The following KCNH5 variants were observed in gnomAD, a reference collection of about 807,000 sequenced individuals.
KCNH5 encodes the protein voltage-gated delayed rectifier potassium channel KCNH5.
A neutral mutation model predicts 96.1 loss-of-function variants in KCNH5; 46 were observed. The ratio of observed to expected loss-of-function variants is 0.48; its 90% CI spans 0.38 to 0.61. KCNH5 has a LOEUF of 0.61. Among genes scored for constraint, KCNH5 ranks in the 20% least tolerant of loss-of-function variants. KCNH5 has a pLI of 0.00. For synonymous variants in KCNH5, 439 were observed against 449.8 expected (o/e 0.98, Z 0.30); for missense variants, 907 against 1,225.8 (o/e 0.74, Z 3.88).
intron 10 of KCNH5, among the ~76,000 whole-genome samples, chr14:62,768,983 C>T (rs1427773292): frequency 6.6e-6 from 1 of 152,204 alleles, no homozygotes; most frequent in Admixed American, 6.5e-5. Flanking sequence ...GCTTAAAAGA[C>T]TCCATAATTA....
At chr14:62,894,034 A>G (rs1888762549) in intron 7 of KCNH5, among the ~76,000 whole-genome samples, 1 of 152,218 alleles carries the variant, frequency 6.6e-6, no homozygotes, top group African/African-American at 2.4e-5. Context: ...GAAGACTCAG[A>G]TGATTTTTTG....
chr14:62,919,776 T>C (rs1889345816), intron 7 of KCNH5, among the ~76,000 whole-genome samples: 1 of 152,174 alleles, frequency 6.6e-6, no homozygotes. Flanking sequence ...TTATCATGTG[T>C]CACCTAAGGA....
intron 10 of KCNH5, among the ~76,000 whole-genome samples, chr14:62,738,784 A>T (rs1341335540): frequency 6.6e-6 from 1 of 152,152 alleles, no homozygotes; most frequent in Non-Finnish European, 1.5e-5. Flanking sequence ...TGTTTATAGC[A>T]GTTCGCAATC....
chr14:62,739,269 T>C (rs894728066), intron 10 of KCNH5, among the ~76,000 whole-genome samples: 2 of 152,110 alleles, frequency 1.3e-5, no homozygotes, highest in Non-Finnish European at 2.9e-5. Context: ...TCACACACTT[T>C]TTTGGAATCT....
chr14:62,736,857 G>A (rs918764098), intron 10 of KCNH5, among the ~76,000 whole-genome samples: 28 of 152,232 alleles, frequency 1.8e-4, no homozygotes, highest in Admixed American at 1.6e-3. Flanking sequence ...CGCTTACAGT[G>A]AATTCCAAGA....
At chr14:62,785,035 CTAATTG>C (rs1285266094) in intron 9 of KCNH5, among the ~76,000 whole-genome samples, 1 of 152,086 alleles carries the variant, frequency 6.6e-6, no homozygotes, top group Non-Finnish European at 1.5e-5. Context: ...ATAAGCAATA[CTAATTG>C]TTTCATTATA....
chr14:62,831,709 ATTAT>A (rs1199989162), intron 8 of KCNH5, among the ~76,000 whole-genome samples: 2 of 151,934 alleles, frequency 1.3e-5, no homozygotes, highest in African/African-American at 2.4e-5. Flanking sequence ...ATGAACATAA[ATTAT>A]TTATTTATTT....
rs556727188 is a variant in KCNH5, at chr14:62,840,167, C to T, written c.1569+9486G>A. 9.9e-5 allele frequency among the ~76,000 whole-genome samples: 15 copies of T among 152,220 alleles called. No individual in the cohort carries two copies. The East Asian group carries it at 1.5e-3, about 16-fold the overall frequency. On this transcript the variant is annotated intron_variant, in intron 8 of 10. Coordinates refer to ENST00000322893, the MANE Select transcript of KCNH5 (RefSeq NM_139318.5). ...ATATGAATGCAAATTTTAAAAATGG[C>T]TATGTCCATATTTTTAAATTCTCCC...
Position 62,740,442 on chromosome 14 carries a change from G to T in KCNH5, c.2020-31987C>A, listed in dbSNP as rs190552300. Among the ~76,000 whole-genome samples the T allele has an allele frequency of 8.5e-5, 13 of 152,120 alleles. No individual in the cohort carries two copies. In the East Asian group the frequency reaches 2.3e-3, roughly 27 times the overall value. On this transcript the variant is annotated intron_variant, in intron 10 of 10. Transcript: ENST00000322893. ...ATTTAGCCACTATTGCCCTCCTCCT[G>T]CTGTCCAGCCCCTGCCCCATTTTGC...
chr14:62,718,761 T>C (rs4902179), intron 10 of KCNH5, among the ~76,000 whole-genome samples: 138,149 of 152,280 alleles, frequency 0.91, 63,838 homozygotes, highest in East Asian at 1. Context: ...TACATGAATG[T>C]TCACAGCAGC....
At chr14:62,786,674 C>T (rs1027969685) in intron 9 of KCNH5, among the ~76,000 whole-genome samples, 8 of 152,164 alleles carry the variant, frequency 5.3e-5, no homozygotes, top group East Asian at 3.9e-4. Context: ...AACTCAGTGT[C>T]GAACAAGTCT....
intron 8 of KCNH5, among the ~76,000 whole-genome samples, chr14:62,814,807 A>G (rs904009663): frequency 6.7e-6 from 1 of 148,604 alleles, no homozygotes; most frequent in Non-Finnish European, 1.5e-5. Context: ...AAAAAAAAAA[A>G]AAAAGAATGA....
At chr14:62,733,417 G>C (rs575988139) in intron 10 of KCNH5, among the ~76,000 whole-genome samples, 2 of 152,084 alleles carry the variant, frequency 1.3e-5, no homozygotes, top group South Asian at 4.1e-4. Context: ...CCAGGAAACA[G>C]GCTCTCACTA....
chr14:63,018,626 C>T (rs561566568), intron 1 of KCNH5, among the ~76,000 whole-genome samples: 2 of 152,018 alleles, frequency 1.3e-5, no homozygotes, highest in South Asian at 4.2e-4. Context: ...AACGGATATG[C>T]CCTGGGACTA....
chr14:62,921,569 A>G (rs1595685562), intron 7 of KCNH5, among the ~76,000 whole-genome samples: 1 of 152,250 alleles, frequency 6.6e-6, no homozygotes, highest in East Asian at 1.9e-4. Flanking sequence ...ATTCTGGGAA[A>G]TCTGGACTAA....
rs1889657827 is a variant in KCNH5, at chr14:62,935,310, T to TA, written c.1369+14822dup. Among the ~76,000 whole-genome samples the TA allele has an allele frequency of 2.0e-5, 3 of 152,218 alleles. No homozygotes were observed. In the South Asian group the frequency reaches 6.2e-4, roughly 32 times the overall value. On this transcript the variant is annotated intron_variant, in intron 7 of 10. Coordinates refer to ENST00000322893, the MANE Select transcript of KCNH5 (RefSeq NM_139318.5). ...TACTGAGCACCTGCTACACTCCTGT[T>TA]ATGCTAGGGATACAGAGTGGAACTA...
chr14:62,905,204 T>C (rs1889003793), intron 7 of KCNH5, among the ~76,000 whole-genome samples: 1 of 152,210 alleles, frequency 6.6e-6, no homozygotes. Flanking sequence ...GCCTCCCCAG[T>C]TCATTAGATC....
At position 62,798,251 on chromosome 14, in the gene KCNH5, A is replaced by G. The variant is rs544580547; in HGVS notation, c.1822+4078T>C. Among the ~76,000 whole-genome samples the G allele has an allele frequency of 3.3e-5, 5 of 152,360 alleles. No homozygotes were observed. In the South Asian group the frequency reaches 1.0e-3, roughly 32 times the overall value. ...CTTAGATAGAGATTGTCTTAGTTTA[A>G]TAATTCTAACCCTATGATTCTAATA... On this transcript the variant is annotated intron_variant, in intron 9 of 10. Coordinates refer to ENST00000322893, the MANE Select transcript of KCNH5 (RefSeq NM_139318.5).
intron 10 of KCNH5, among the ~76,000 whole-genome samples, chr14:62,744,186 T>C (rs1319864655): frequency 6.6e-6 from 1 of 152,202 alleles, no homozygotes; most frequent in Non-Finnish European, 1.5e-5. Context: ...GTATTATATA[T>C]AAGAGAAAAA....
Sources: gnomAD v4.1 joint callset for allele counts (sites outside exome capture counted in the v4.1 genomes callset) on GRCh38, gnomAD v4.1.1 for gene constraint, MANE v1.5 for transcripts, NCBI Gene and HGNC (gene_info 2026-07-23, HGNC 2026-07-21) for gene names.